CDH12: variants seen among roughly 807,000 people sequenced by gnomAD.
CDH12 encodes cadherin 12.
A neutral mutation model predicts 74.1 loss-of-function variants in CDH12; 41 were observed. That is an observed-to-expected ratio of 0.55 (90% CI 0.43 to 0.72). CDH12 has a LOEUF of 0.72. Among genes scored for constraint, CDH12 ranks in the 30% least tolerant of loss-of-function variants. The probability of loss-of-function intolerance (pLI) is 0.00; values close to 1 mark genes in which losing one functional copy is unlikely to be tolerated. For missense variants in CDH12, 945 were observed against 977.2 expected (o/e 0.97, Z 0.44); for synonymous variants, 399 against 355.0 (o/e 1.12, Z -1.39).
intron 4 of CDH12, among the ~76,000 whole-genome samples, chr5:22,162,039 C>G (rs1263435961): frequency 6.7e-6 from 1 of 150,374 alleles, no homozygotes; most frequent in Non-Finnish European, 1.5e-5. Context: ...ATTTTGAATA[C>G]TAGTATTGCT....
intron 8 of CDH12, among the ~76,000 whole-genome samples, chr5:21,827,471 C>G (rs1486162264): frequency 6.6e-6 from 1 of 152,050 alleles, no homozygotes; most frequent in Non-Finnish European, 1.5e-5. Context: ...TGCTACTGCA[C>G]CCAAGAAAGA....
At chr5:22,093,177 G>T (rs919327318) in intron 4 of CDH12, among the ~76,000 whole-genome samples, 2 of 152,152 alleles carry the variant, frequency 1.3e-5, no homozygotes, top group Non-Finnish European at 1.5e-5. Flanking sequence ...TAACCACAAA[G>T]CTCTAGCTTA....
chr5:22,593,748 C>G (rs1736463858), intron 1 of CDH12, among the ~76,000 whole-genome samples: 1 of 152,180 alleles, frequency 6.6e-6, no homozygotes, highest in Non-Finnish European at 1.5e-5. Flanking sequence ...TTAGGCATGA[C>G]TAGCTCCAAG....
intron 2 of CDH12, among the ~76,000 whole-genome samples, chr5:22,432,268 G>A (rs1427426743): frequency 1.3e-5 from 2 of 151,986 alleles, no homozygotes; most frequent in African/African-American, 4.8e-5. Flanking sequence ...AGGAGCAATA[G>A]GCTATACCAT....
intron 1 of CDH12, among the ~76,000 whole-genome samples, chr5:22,796,824 T>C (rs1287429195): frequency 6.6e-6 from 1 of 152,084 alleles, no homozygotes; most frequent in African/African-American, 2.4e-5. Context: ...CCGGCCCAGA[T>C]TTTTTATCTT....
intron 1 of CDH12, among the ~76,000 whole-genome samples, chr5:22,733,181 C>T (rs978839513): frequency 6.6e-6 from 1 of 151,774 alleles, no homozygotes; most frequent in Non-Finnish European, 1.5e-5. Flanking sequence ...TTATTCCTAT[C>T]TGAGTTATTC....
At chr5:21,855,455 G>A (rs889595868) in intron 6 of CDH12, among the ~76,000 whole-genome samples, 6 of 151,484 alleles carry the variant, frequency 4.0e-5, no homozygotes, top group African/African-American at 1.4e-4. Flanking sequence ...GAAGTTGAAG[G>A]GAGCTTTTCT....
chr5:22,390,908 C>T (rs915311365), intron 3 of CDH12, among the ~76,000 whole-genome samples: 4 of 152,062 alleles, frequency 2.6e-5, no homozygotes, highest in African/African-American at 9.7e-5. Context: ...AATCCTTGCT[C>T]AGATGTTAAT....
At chr5:22,675,365 T>C (rs555134037) in intron 1 of CDH12, among the ~76,000 whole-genome samples, 3 of 152,252 alleles carry the variant, frequency 2.0e-5, no homozygotes, top group South Asian at 2.1e-4. Context: ...AAGTCAAGAA[T>C]TGAGGTTTGG....
intron 1 of CDH12, among the ~76,000 whole-genome samples, chr5:22,532,528 A>G (rs1737641254): frequency 6.6e-6 from 1 of 150,950 alleles, no homozygotes; most frequent in Admixed American, 6.6e-5. Context: ...CCAGAGCTCA[A>G]AAATTACTTA....
intron 4 of CDH12, among the ~76,000 whole-genome samples, chr5:22,132,684 G>C (rs1373092703): frequency 6.6e-6 from 1 of 152,080 alleles, no homozygotes; most frequent in Non-Finnish European, 1.5e-5. Flanking sequence ...TCAAATACAA[G>C]TAAAACCAAA....
At chr5:22,022,675 A>G (rs1463390811) in intron 5 of CDH12, among the ~76,000 whole-genome samples, 1 of 152,136 alleles carries the variant, frequency 6.6e-6, no homozygotes, top group East Asian at 1.9e-4. Flanking sequence ...GATCTAAGAC[A>G]TTTAAATATT....
At chr5:22,760,819 A>T (rs1475158838) in intron 1 of CDH12, among the ~76,000 whole-genome samples, 2 of 152,144 alleles carry the variant, frequency 1.3e-5, no homozygotes, top group African/African-American at 4.8e-5. Flanking sequence ...CAATTGAGTA[A>T]CTGAAATTGA....
At chr5:22,120,587 A>G (rs1158935895) in intron 4 of CDH12, among the ~76,000 whole-genome samples, 2 of 152,136 alleles carry the variant, frequency 1.3e-5, no homozygotes, top group Admixed American at 1.3e-4. Flanking sequence ...CTTGTTCTTT[A>G]ATATATGGAA....
chr5:22,189,850 T>TG (rs70957100), intron 4 of CDH12, among the ~76,000 whole-genome samples: 71,147 of 152,130 alleles, frequency 0.47, 17,449 homozygotes, highest in East Asian at 0.73. Flanking sequence ...TACCACATCT[T>TG]CCCCCCGCCT....
intron 3 of CDH12, among the ~76,000 whole-genome samples, chr5:22,384,532 AAAAAAAAAG>A (rs1340607403): frequency 2.7e-5 from 4 of 149,618 alleles, no homozygotes; most frequent in South Asian, 2.1e-4. Flanking sequence ...TCTCAAAAAA[AAAAAAAAAG>A]AAAAAGAAAA....
chr5:22,162,897 T>G (rs1383808935), intron 4 of CDH12, among the ~76,000 whole-genome samples: 1 of 142,920 alleles, frequency 7.0e-6, no homozygotes, highest in Non-Finnish European at 1.5e-5. Flanking sequence ...CTGACTTTTT[T>G]TTTTTTTTTT....
chr5:22,537,736 G>T (rs919915181), intron 1 of CDH12, among the ~76,000 whole-genome samples: 1 of 152,128 alleles, frequency 6.6e-6, no homozygotes, highest in Non-Finnish European at 1.5e-5. Flanking sequence ...CTTAGAGAGC[G>T]CTCCTGACCG....
intron 5 of CDH12, among the ~76,000 whole-genome samples, chr5:21,979,302 A>G (rs1277366566): frequency 1.3e-5 from 2 of 152,182 alleles, no homozygotes; most frequent in Admixed American, 1.3e-4. Context: ...TTCTCCCCAG[A>G]AAAAGAGTTC....
Sources: gnomAD v4.1 joint callset for allele counts (sites outside exome capture counted in the v4.1 genomes callset) on GRCh38, gnomAD v4.1.1 for gene constraint, MANE v1.5 for transcripts, NCBI Gene and HGNC (gene_info 2026-07-23, HGNC 2026-07-21) for gene names.